The following DACH2 variants were observed in gnomAD, a reference collection of about 807,000 sequenced individuals.
DACH2 encodes dachshund homolog 2.
A neutral mutation model predicts 35.8 loss-of-function variants in DACH2; 17 were observed. The ratio of observed to expected loss-of-function variants is 0.48; its 90% CI spans 0.33 to 0.71. The LOEUF (loss-of-function observed/expected upper bound fraction) is 0.71, where lower values mean the gene tolerates loss of function less well. DACH2 is among the 30% of genes least tolerant of loss of function. DACH2 has a pLI of 0.02. For synonymous variants in DACH2, 195 were observed against 177.3 expected, an observed-to-expected ratio of 1.10 and a Z score of -0.79; for missense variants, 469 against 472.7, an observed-to-expected ratio of 0.99 and a Z score of 0.07.
At chrX:86,302,715 G>A (rs1190949896) in intron 1 of DACH2, among the ~76,000 whole-genome samples, 1 of 109,887 alleles carries the variant, frequency 9.1e-6, no homozygotes, top group Non-Finnish European at 1.9e-5. Context: ...TCTATATATA[G>A]CACATATATT....
intron 7 of DACH2, among the ~76,000 whole-genome samples, chrX:86,773,540 A>G (rs148757790): frequency 0.03 from 3,356 of 112,128 alleles, 119 homozygotes; most frequent in African/African-American, 0.1. Flanking sequence ...ATTTTTTACT[A>G]TGGTGATGTG....
At chrX:86,756,137 A>G (rs760316052) in intron 7 of DACH2, among the ~76,000 whole-genome samples, 2 of 111,224 alleles carry the variant, frequency 1.8e-5, no homozygotes, top group African/African-American at 6.6e-5. Context: ...TTTGGCTACT[A>G]TAGCCTTGTA....
chrX:86,823,066 C>A (rs1602993023), intron 11 of DACH2, among the ~76,000 whole-genome samples: 1 of 110,942 alleles, frequency 9.0e-6, no homozygotes, highest in Non-Finnish European at 1.9e-5. Context: ...GATTCTTCTG[C>A]CTCCGCCTCC....
At chrX:86,732,514 A>G (rs953331839) in intron 6 of DACH2, among the ~76,000 whole-genome samples, 3 of 112,093 alleles carry the variant, frequency 2.7e-5, no homozygotes, top group African/African-American at 9.7e-5. Flanking sequence ...GTAGTATGGT[A>G]TAATTGCTAT....
chrX:86,255,326 A>G (rs1204952457), intron 1 of DACH2, among the ~76,000 whole-genome samples: 2 of 111,855 alleles, frequency 1.8e-5, no homozygotes, highest in African/African-American at 6.5e-5. Flanking sequence ...GAATAGGTAA[A>G]TTATGGTAAT....
intron 11 of DACH2, among the ~76,000 whole-genome samples, chrX:86,818,510 A>G (rs1223865005): frequency 2.7e-5 from 3 of 111,457 alleles, no homozygotes; most frequent in African/African-American, 9.7e-5. Flanking sequence ...GAAAACATGA[A>G]ATGCAAGCTT....
intron 1 of DACH2, among the ~76,000 whole-genome samples, chrX:86,329,890 G>A (rs1273425652): frequency 8.9e-6 from 1 of 111,816 alleles, no homozygotes; most frequent in East Asian, 2.8e-4. Flanking sequence ...GTTGATGTGG[G>A]ATTCCTGTGT....
intron 3 of DACH2, among the ~76,000 whole-genome samples, chrX:86,615,095 T>C (rs923099254): frequency 9.0e-6 from 1 of 111,673 alleles, no homozygotes; most frequent in Non-Finnish European, 1.9e-5. Flanking sequence ...TTATTAGTCT[T>C]TTCTGGAAAA....
rs138507391 is a variant in DACH2, at chrX:86,236,303, G to A, written c.488+87195G>A. ...TGTGTTTGTATCCTCAAACAGCAAC[G>A]TCTTGTACATTGTGGACACATAAGT... On this transcript the variant is annotated intron_variant, in intron 1 of 11. Coordinates refer to ENST00000373125, the MANE Select transcript of DACH2 (RefSeq NM_053281.3). Among the ~76,000 whole-genome samples, 163 of 112,177 alleles carry A rather than the reference G, an allele frequency of 1.5e-3. 1 individual carries two copies. Among genetic ancestry groups the A allele is most frequent in the African/African-American group, 5.0e-3 (153 of 30,906 alleles).
chrX:86,624,449 G>T (rs994651665), intron 3 of DACH2, among the ~76,000 whole-genome samples: 11 of 112,084 alleles, frequency 9.8e-5, no homozygotes, highest in Non-Finnish European at 1.9e-4. Flanking sequence ...CTGGTTAAGA[G>T]AAAGTATAAT....
rs765826830 is a variant in DACH2 at position 86,545,999 on chromosome X, C to G, written c.640+31608C>G. Among the ~76,000 whole-genome samples the G allele has an allele frequency of 8.1e-5, 9 of 111,562 alleles. No homozygotes were observed. In the East Asian group the frequency reaches 2.3e-3, roughly 28 times the overall value. ...TTACAAGGCTGTTGACCTAATTATT[C>G]CTATGAAAAATATGGGTGAATTGTA... On this transcript the variant is annotated intron_variant, in intron 3 of 11. Coordinates refer to ENST00000373125, the MANE Select transcript of DACH2 (RefSeq NM_053281.3).
chrX:86,530,810 G>A (rs964465155), intron 3 of DACH2, among the ~76,000 whole-genome samples: 9 of 111,771 alleles, frequency 8.1e-5, no homozygotes, highest in South Asian at 7.5e-4. Context: ...AGGAAGATGA[G>A]GTAAAATCTG....
chrX:86,478,357 G>A (rs1412354086), intron 2 of DACH2, among the ~76,000 whole-genome samples: 5 of 110,276 alleles, frequency 4.5e-5, no homozygotes, highest in African/African-American at 1.7e-4. Flanking sequence ...ATGTGTGAAG[G>A]ATATTTTTGC....
chrX:86,617,511 T>C (rs2040020672), intron 3 of DACH2, among the ~76,000 whole-genome samples: 1 of 111,617 alleles, frequency 9.0e-6, no homozygotes, highest in Non-Finnish European at 1.9e-5. Flanking sequence ...GCTGTATTCC[T>C]AGGTATTTTA....
chrX:86,502,490 T>G (rs999275312), intron 2 of DACH2, among the ~76,000 whole-genome samples: 1 of 112,279 alleles, frequency 8.9e-6, no homozygotes, highest in Admixed American at 9.5e-5. Context: ...AATCAACATA[T>G]TTTTTTCTAC....
At chrX:86,163,798 T>C (rs1478246199) in intron 1 of DACH2, among the ~76,000 whole-genome samples, 5 of 111,802 alleles carry the variant, frequency 4.5e-5, no homozygotes, top group Non-Finnish European at 7.5e-5. Context: ...GGTGTATATG[T>C]ATCACTTTTT....
intron 1 of DACH2, among the ~76,000 whole-genome samples, chrX:86,280,826 A>G (rs373805350): frequency 4.5e-5 from 5 of 111,956 alleles, no homozygotes; most frequent in African/African-American, 1.6e-4. Flanking sequence ...ACAGACTTTA[A>G]ACCAACAAAG....
intron 7 of DACH2, among the ~76,000 whole-genome samples, chrX:86,787,348 G>A (rs185811621): frequency 9.0e-6 from 1 of 111,663 alleles, no homozygotes; most frequent in Admixed American, 9.5e-5. Context: ...ATCCAGGGGT[G>A]GTGGCTCAGG....
chrX:86,563,128 T>C, intron 3 of DACH2, among the ~76,000 whole-genome samples: 1 of 62,092 alleles, frequency 1.6e-5, no homozygotes, highest in Non-Finnish European at 2.8e-5. Flanking sequence ...AGGGTAATTA[T>C]CTTTTTTTTT....
Sources: gnomAD v4.1 joint callset for allele counts (sites outside exome capture counted in the v4.1 genomes callset) on GRCh38, gnomAD v4.1.1 for gene constraint, MANE v1.5 for transcripts, NCBI Gene and HGNC (gene_info 2026-07-23, HGNC 2026-07-21) for gene names.